The following BCAS4 variants were observed in gnomAD, a reference collection of about 807,000 sequenced individuals.
The protein encoded by BCAS4 is breast carcinoma amplified sequence 4.
In BCAS4, 9 loss-of-function variants were observed where a neutral mutation model predicts 15.7. That is an observed-to-expected ratio of 0.57 (90% CI 0.34 to 1.00). BCAS4 has a LOEUF of 1.00. BCAS4 is among the 50% of genes least tolerant of loss of function. The pLI is 0.02. For synonymous variants in BCAS4, 101 were observed against 99.5 expected, an observed-to-expected ratio of 1.02 and a Z score of -0.09; for missense variants, 225 against 239.1, an observed-to-expected ratio of 0.94 and a Z score of 0.39.
intron 1 of BCAS4, among the ~76,000 whole-genome samples, chr20:50,802,552 C>T (rs1017482345): frequency 6.6e-6 from 1 of 152,224 alleles, no homozygotes; most frequent in African/African-American, 2.4e-5. Flanking sequence ...TCCGGCCCAG[C>T]TTCAGCGTCA....
chr20:50,814,977 G>A, intron 1 of BCAS4, among the ~76,000 whole-genome samples: 1 of 152,106 alleles, frequency 6.6e-6, no homozygotes, highest in African/African-American at 2.4e-5. Flanking sequence ...GAGAGAAAGC[G>A]AGCTATGGAA....
chr20:50,840,822 G>T (rs1041050818), intron 3 of BCAS4: 3 of 1,018,536 alleles, frequency 2.9e-6, no homozygotes, highest in East Asian at 4.8e-5. Context: ...CCACCACTGA[G>T]TTGTCCAATT....
intron 2 of BCAS4, among the ~76,000 whole-genome samples, chr20:50,821,791 T>A (rs893771828): frequency 2.0e-5 from 3 of 152,338 alleles, no homozygotes; most frequent in Admixed American, 1.3e-4. Flanking sequence ...AGTTCTTCCA[T>A]TAGCCTGTCT....
At chr20:50,839,015 T>C (rs1489894225) in intron 3 of BCAS4, among the ~76,000 whole-genome samples, 1 of 152,046 alleles carries the variant, frequency 6.6e-6, no homozygotes, top group Non-Finnish European at 1.5e-5. Flanking sequence ...GGAGGGAAGG[T>C]AGGGCTAGAT....
chr20:50,818,083 A>G lies in BCAS4; in HGVS notation c.91-128A>G, dbSNP rs553782229. 1,264 of 810,970 alleles carry G rather than the reference A, an allele frequency of 1.6e-3. 9 individuals are homozygous for G. Among genetic ancestry groups the G allele is most frequent in the Middle Eastern group, 5.8e-3 (25 of 4,286 alleles). 50.2% of individuals were successfully genotyped at this position (810,970 alleles called of 1,614,324 possible). On this transcript the variant is annotated intron_variant, in intron 1 of 4. Transcript: ENST00000371608. Reference sequence around the variant, plus strand: ...TTGCTCTTTCAAAGGAGGCAGTGGAAGGGGGTCGAGCAGGAACCGGGCACA... The same window carrying G: ...TTGCTCTTTCAAAGGAGGCAGTGGAGGGGGGTCGAGCAGGAACCGGGCACA...
chr20:50,844,716 C>T (rs543358018), intron 4 of BCAS4, among the ~76,000 whole-genome samples: 2 of 151,646 alleles, frequency 1.3e-5, no homozygotes, highest in African/African-American at 2.4e-5. Context: ...AAACTGAGGT[C>T]CCCCCAGCAC....
chr20:50,794,952 G>A (rs1000581735), upstream of BCAS4: 4 of 1,192,948 alleles, frequency 3.4e-6, no homozygotes, highest in Non-Finnish European at 4.2e-6. Context: ...CGCGACCGCC[G>A]GGAGCGCACC....
At chr20:50,875,483 G>A (rs1443247858) in intron 4 of BCAS4, among the ~76,000 whole-genome samples, 3 of 152,050 alleles carry the variant, frequency 2.0e-5, no homozygotes, top group Non-Finnish European at 4.4e-5. Context: ...AATCAGTCCT[G>A]GCCGGGCGCG....
At position 50,841,900 on chromosome 20, in the gene BCAS4, CGT is replaced by C; in HGVS notation, c.399+2_399+3del. The C allele has an allele frequency of 6.3e-7, 1 of 1,575,066 alleles. No homozygotes were observed. Among genetic ancestry groups the C allele is most frequent in the Non-Finnish European group, 8.6e-7 (1 of 1,159,244 alleles). On this transcript the variant is annotated splice_donor_variant, in intron 4 of 4. Transcript: ENST00000371608. LOFTEE classifies it high-confidence loss of function. ...CCGCAGGGCTCCCCTCCTTCAGGAA[CGT>C]GAGTATCCTGCCCCGAGAAGTGAGG...
Position 50,832,025 on chromosome 20 carries a change from C to T in BCAS4, c.264+1645C>T, listed in dbSNP as rs530083249. On this transcript the variant is annotated intron_variant, in intron 3 of 4. Transcript: ENST00000371608. ...ATGTGAAGACTTGCAGCCTGGTTCT[C>T]GCCTGGCCTGGGCTGGCCCAGCTGT... is the stretch of plus-strand genomic sequence containing the variant. Among the ~76,000 whole-genome samples, 177 of 152,330 alleles carry T rather than the reference C, an allele frequency of 1.2e-3. 1 individual carries two copies. Among genetic ancestry groups the T allele is most frequent in the Admixed American group, 2.4e-3 (37 of 15,302 alleles).
intron 3 of BCAS4, chr20:50,840,448 C>G (rs2088463287): frequency 2.5e-6 from 2 of 809,716 alleles, no homozygotes; most frequent in African/African-American, 1.7e-5. Context: ...ATGGGAGAGG[C>G]AGTCGCGGCC....
intron 2 of BCAS4, among the ~76,000 whole-genome samples, chr20:50,822,455 T>C (rs148351657): frequency 7.0e-4 from 107 of 152,272 alleles, no homozygotes; most frequent in African/African-American, 2.5e-3. Flanking sequence ...AAAGAGTTAC[T>C]GTAAGGAATA....
intron 2 of BCAS4, among the ~76,000 whole-genome samples, chr20:50,828,898 C>T (rs908344077): frequency 9.2e-5 from 14 of 152,196 alleles, no homozygotes; most frequent in African/African-American, 3.4e-4. Flanking sequence ...CGCCTCCACA[C>T]TCCACGCCAG....
intron 1 of BCAS4, among the ~76,000 whole-genome samples, chr20:50,813,674 CTTTTTT>C (rs965295871): frequency 1.2e-5 from 1 of 82,390 alleles, no homozygotes; most frequent in African/African-American, 5.7e-5. Flanking sequence ...GGTGGAGGAC[CTTTTTT>C]TTTTTTTTTT....
chr20:50,803,459 G>A (rs1600845285), intron 1 of BCAS4, among the ~76,000 whole-genome samples: 2 of 152,270 alleles, frequency 1.3e-5, no homozygotes, highest in South Asian at 2.1e-4. Context: ...TTTCTCGGGT[G>A]GGGTGGGGTA....
rs779100515 is a variant in BCAS4, at chr20:50,875,973, A to T, written c.400-513A>T. 15 of 455,866 alleles carry T rather than the reference A, an allele frequency of 3.3e-5. 1 individual carries two copies. Among genetic ancestry groups the T allele is most frequent in the South Asian group, 2.3e-4 (15 of 64,524 alleles). The allele number at this position is 455,866 out of a possible 1,614,324, so 28.2% of individuals were successfully genotyped here. A position where few individuals can be genotyped will look rare whatever the true frequency, so the allele number is the denominator to read the frequency against. ...GGCTTTTTCTTTTTTCTTCCCCGAG[A>T]CATTGTCTCACTCTGTTTTCTAGGT... On this transcript the variant is annotated intron_variant, in intron 4 of 4. Coordinates refer to ENST00000371608, the MANE Select transcript of BCAS4 (RefSeq NM_198799.4).
chr20:50,823,962 C>T (rs531987997), intron 2 of BCAS4, among the ~76,000 whole-genome samples: 1 of 152,060 alleles, frequency 6.6e-6, no homozygotes, highest in African/African-American at 2.4e-5. Context: ...AAGATCGTTG[C>T]TGAGCACAGT....
intron 1 of BCAS4, among the ~76,000 whole-genome samples, chr20:50,806,341 G>A (rs991718838): frequency 6.6e-6 from 1 of 152,210 alleles, no homozygotes; most frequent in Non-Finnish European, 1.5e-5. Flanking sequence ...GCTCTTCCAG[G>A]CAGTACACGT....
At chr20:50,873,476 C>T (rs6096139) in intron 4 of BCAS4, among the ~76,000 whole-genome samples, 3,611 of 152,242 alleles carry the variant, frequency 0.024, 145 homozygotes, top group African/African-American at 0.082. Flanking sequence ...ATGAGAGGGG[C>T]GGTCTTTGAA....
Sources: allele counts gnomAD v4.1 joint callset (sites outside exome capture counted in the v4.1 genomes callset), GRCh38; gene constraint gnomAD v4.1.1; transcripts MANE v1.5; gene names NCBI Gene and HGNC (gene_info 2026-07-23, HGNC 2026-07-21).